ST7L: variants seen among roughly 807,000 people sequenced by gnomAD.
ST7L encodes the protein suppression of tumorigenicity 7 like, also known as suppressor of tumorigenicity 7 protein-like.
In ST7L, 57 loss-of-function variants were observed where a neutral mutation model predicts 72.5. That is an observed-to-expected ratio of 0.79 (90% CI 0.64 to 0.98). ST7L has a LOEUF of 0.98. ST7L is among the 50% of genes least tolerant of loss of function. The pLI is 0.00. For missense variants in ST7L, 576 were observed against 672.2 expected (o/e 0.86, Z 1.58); for synonymous variants, 221 against 240.9 (o/e 0.92, Z 0.77).
downstream of ST7L, among the ~76,000 whole-genome samples, chr1:112,519,344 A>G (rs916813996): frequency 1.2e-4 from 19 of 152,214 alleles, no homozygotes; most frequent in Middle Eastern, 3.2e-3. Context: ...CCCGTATCCC[A>G]GTGACATTTG....
chr1:112,613,661 T>A (rs1669410327), intron 2 of ST7L, among the ~76,000 whole-genome samples: 1 of 152,214 alleles, frequency 6.6e-6, no homozygotes, highest in Non-Finnish European at 1.5e-5. Flanking sequence ...TTACTTGAAT[T>A]TCCTAATTTG....
intron 11 of ST7L, chr1:112,571,407 A>G (rs1046825158): frequency 9.4e-6 from 4 of 423,286 alleles, no homozygotes; most frequent in African/African-American, 8.3e-5. Flanking sequence ...ATGTATATCT[A>G]TCTATCTATA....
intron 12 of ST7L, among the ~76,000 whole-genome samples, chr1:112,553,221 A>G (rs1422381384): frequency 1.4e-5 from 2 of 144,350 alleles, no homozygotes; most frequent in African/African-American, 5.2e-5. Flanking sequence ...AGTTTTATCA[A>G]TCTTTTCTTT....
At chr1:112,591,368 G>C in intron 6 of ST7L, 157 bp downstream of exon 6, 1 of 597,090 alleles carries the variant, frequency 1.7e-6, no homozygotes, top group South Asian at 2.3e-5. Context: ...AAATACAGAT[G>C]TTGGCAAACA....
At chr1:112,587,366 C>A (rs146401699) in intron 6 of ST7L, among the ~76,000 whole-genome samples, 16 of 152,142 alleles carry the variant, frequency 1.1e-4, no homozygotes, top group African/African-American at 3.6e-4. Context: ...CTTTGGGAGG[C>A]TGAGGTGGGT....
In ST7L at chr1:112,578,324, T is replaced by C. The variant is rs770760225; in HGVS notation, c.1142+21A>G. Reference sequence around the variant, plus strand: ...GAGTTTAGCAGTCTTTCCAAATCATTGTAGTTTTTATAACACGTACTTTTC... The same window carrying C: ...GAGTTTAGCAGTCTTTCCAAATCATCGTAGTTTTTATAACACGTACTTTTC... On this transcript the variant is annotated intron_variant, in intron 10 of 14. Coordinates refer to ENST00000358039, the MANE Select transcript of ST7L (RefSeq NM_017744.5). 3 of 1,605,206 alleles carry C rather than the reference T, an allele frequency of 1.9e-6. No individual in the cohort carries two copies. In the African/African-American group the frequency reaches 4.0e-5, roughly 21 times the overall value.
In ST7L at chr1:112,591,615, A is replaced by G. The variant is rs1306602729; in HGVS notation, c.623-12T>C. The stretch of plus-strand genomic sequence containing the variant: ...AGCCTTCTGCATAACTGTAGAAAAA[A>G]ATTCCATAAAATAGATGAGATGGTA... On this transcript the variant is annotated splice_polypyrimidine_tract_variant and intron_variant, in intron 5 of 14. Transcript: ENST00000358039. The G allele has an allele frequency of 1.9e-6, 3 of 1,599,786 alleles. No homozygotes were observed. Among genetic ancestry groups the G allele is most frequent in the Non-Finnish European group, 2.6e-6 (3 of 1,174,724 alleles).
chr1:112,591,024 G>C (rs550652837), intron 6 of ST7L, among the ~76,000 whole-genome samples: 1 of 146,276 alleles, frequency 6.8e-6, no homozygotes, highest in South Asian at 2.2e-4. Flanking sequence ...TCCACCTCCC[G>C]GGTTCATGCC....
chr1:112,521,319 T>C (rs1210721180), downstream of ST7L: 2 of 150,418 alleles, frequency 1.3e-5, no homozygotes, highest in African/African-American at 4.9e-5. Flanking sequence ...GCCTTTTTTT[T>C]TTTTTTTTTT....
intron 12 of ST7L, among the ~76,000 whole-genome samples, chr1:112,550,914 T>C (rs1658013697): frequency 6.6e-6 from 1 of 151,848 alleles, no homozygotes; most frequent in Non-Finnish European, 1.5e-5. Flanking sequence ...CTATAGGGAG[T>C]GATAGATGAG....
At chr1:112,586,794 T>G (rs1664932998) in intron 6 of ST7L, among the ~76,000 whole-genome samples, 1 of 152,200 alleles carries the variant, frequency 6.6e-6, no homozygotes, top group Non-Finnish European at 1.5e-5. Context: ...GTTCACAGTT[T>G]AAAGCATTTT....
At chr1:112,574,615 C>T (rs548539768) in intron 11 of ST7L, among the ~76,000 whole-genome samples, 9 of 150,048 alleles carry the variant, frequency 6.0e-5, no homozygotes, top group African/African-American at 1.5e-4. Flanking sequence ...GCCTAGATCA[C>T]GCCACTGCAC....
At position 112,525,155 on chromosome 1, in the gene ST7L, A is replaced by G. The variant is rs1371046899; in HGVS notation, c.*858T>C. ...GCTGAGAATGATGGAGCAGTCTCCT[A>G]TGACTGCATGGGGTATAACTGCCAA... On this transcript the variant is annotated 3_prime_UTR_variant, in exon 15 of 15. Coordinates refer to ENST00000358039, the MANE Select transcript of ST7L (RefSeq NM_017744.5). 1.3e-5 allele frequency: 2 copies of G among 152,248 alleles called. No individual in the cohort carries two copies. The highest frequency in any genetic ancestry group is 4.8e-5 in the African/African-American group (2 of 41,442). 9.4% of individuals were successfully genotyped at this position (152,248 alleles called of 1,614,324 possible).
rs1163564283 is a variant in ST7L at position 112,600,836 on chromosome 1, C to T, written c.464G>A (p.Trp155Ter). 1 of 1,609,022 alleles carries T rather than the reference C, an allele frequency of 6.2e-7. No homozygotes were observed. The highest frequency in any genetic ancestry group is 8.5e-7 in the Non-Finnish European group (1 of 1,177,308). ...TCTGAAAAGATTTAGAGGGTTTCTC[C>T]ATACCTTACATTCTGAAAAACAAGG... is the stretch of plus-strand genomic sequence containing the variant. ...SRQNLSECKV[W>*]RNPLNLFRGA... Residue 155 changes from tryptophan (W) to a stop codon, truncating the protein, a stop_gained, in exon 4 of 15, where the codon TGG (tryptophan) becomes TAG (stop). Coordinates refer to ENST00000358039, the MANE Select transcript of ST7L (RefSeq NM_017744.5). LOFTEE classifies it high-confidence loss of function.
Position 112,616,897 on chromosome 1 carries a change from T to C in ST7L, c.206-2A>G, listed in dbSNP as rs1451690547. On this transcript the variant is annotated splice_acceptor_variant, in intron 1 of 14. Coordinates refer to ENST00000358039, the MANE Select transcript of ST7L (RefSeq NM_017744.5). LOFTEE classifies it high-confidence loss of function. ...TCAATGAATTTAAAAATACAGTCAC[T>C]GTCAAAAGAACAAGAATCAAAGTTT... is the stretch of plus-strand genomic sequence containing the variant. 13 of 1,594,416 alleles carry C rather than the reference T, an allele frequency of 8.2e-6. No individual in the cohort carries two copies. The highest frequency in any genetic ancestry group is 1.8e-5 in the Admixed American group (1 of 55,000).
downstream of ST7L, chr1:112,522,956 G>A (rs1194062880): frequency 6.6e-6 from 1 of 152,174 alleles, no homozygotes; most frequent in Admixed American, 6.5e-5. Flanking sequence ...AGAGGTAAGG[G>A]GGTCATGGTC....
At chr1:112,544,136 C>G (rs1656679241) in intron 13 of ST7L, among the ~76,000 whole-genome samples, 1 of 152,090 alleles carries the variant, frequency 6.6e-6, no homozygotes, top group South Asian at 2.1e-4. Context: ...AAACTGAGAG[C>G]TATTCTGGGA....
chr1:112,619,545 G>A (rs1205351918), upstream of ST7L: 5 of 531,428 alleles, frequency 9.4e-6, no homozygotes, highest in Non-Finnish European at 1.7e-5. Context: ...GTCGGATGGA[G>A]GCCAGAAGCC....
rs544873223 is a variant in ST7L, at chr1:112,609,542, T to A, written c.451+1299A>T. Among the ~76,000 whole-genome samples, 612 of 123,394 alleles carry A rather than the reference T, an allele frequency of 5.0e-3. 3 individuals carry two copies. The highest frequency in any genetic ancestry group is 0.018 in the African/African-American group (578 of 31,950). The allele number at this position is 123,394 out of a possible 152,430, so 81.0% of individuals were successfully genotyped here. On this transcript the variant is annotated intron_variant, in intron 3 of 14. Transcript: ENST00000358039. ...ACTTCGTCTCAAAAAAAAAAAAAAA[T>A]GCTGGGTATGGTGGCTCACGCCTGT...
Sources: allele counts gnomAD v4.1 joint callset (sites outside exome capture counted in the v4.1 genomes callset), GRCh38; gene constraint gnomAD v4.1.1; transcripts MANE v1.5; gene names NCBI Gene and HGNC (gene_info 2026-07-23, HGNC 2026-07-21).